The following NAALADL2 variants were observed in gnomAD, a reference collection of about 807,000 sequenced individuals.
NAALADL2 encodes N-acetylated alpha-linked acidic dipeptidase like 2.
In NAALADL2, 76 loss-of-function variants were observed where a neutral mutation model predicts 87.2. The observed-to-expected ratio is 0.87, with a 90% CI of 0.72 to 1.05. The LOEUF is 1.05. Ranked by LOEUF, NAALADL2 falls within the 50% of genes least tolerant of loss-of-function variation. The pLI, the probability that NAALADL2 is intolerant of heterozygous loss-of-function variation, is 0.00. For synonymous variants in NAALADL2, 354 were observed against 331.0 expected, an observed-to-expected ratio of 1.07 and a Z score of -0.75; for missense variants, 1,089 against 945.8, an observed-to-expected ratio of 1.15 and a Z score of -1.99.
intron 2 of NAALADL2, among the ~76,000 whole-genome samples, chr3:175,118,145 A>T (rs1396156503): frequency 1.3e-5 from 2 of 151,838 alleles, no homozygotes; most frequent in African/African-American, 4.8e-5. Context: ...TCATTAGGAG[A>T]TATACCTAAT....
chr3:175,465,543 C>T (rs113132086), intron 7 of NAALADL2, among the ~76,000 whole-genome samples: 12 of 140,654 alleles, frequency 8.5e-5, no homozygotes, highest in African/African-American at 3.0e-4. Flanking sequence ...ACACGATCTT[C>T]GCTCATTGCA....
chr3:175,762,501 A>T (rs569868880), intron 13 of NAALADL2, among the ~76,000 whole-genome samples: 6 of 152,104 alleles, frequency 3.9e-5, no homozygotes, highest in Non-Finnish European at 5.9e-5. Context: ...TCAGTTTTTC[A>T]TCTCTAAAAT....
Position 175,416,829 on chromosome 3 carries a change from C to CTGCAT in NAALADL2, c.1091-30396_1091-30395insTTGCA, listed in dbSNP as rs570665035. On this transcript the variant is annotated intron_variant, in intron 5 of 13. Coordinates refer to ENST00000454872, the MANE Select transcript of NAALADL2 (RefSeq NM_207015.3). ...ATGATTGCAAAAAAAAGTGTGAAAA[C>CTGCAT]TGCAATTCTATGATACGTGAATGTA... Among the ~76,000 whole-genome samples, 81 of 151,948 alleles carry CTGCAT rather than the reference C, an allele frequency of 5.3e-4. 2 individuals are homozygous for CTGCAT. In the South Asian group the frequency reaches 0.016, roughly 31 times the overall value.
Position 174,616,035 on chromosome 3 carries a change from T to G in NAALADL2, c.-115+65398T>G, listed in dbSNP as rs75476898. Among the ~76,000 whole-genome samples, 162 of 152,092 alleles carry G rather than the reference T, an allele frequency of 1.1e-3. 3 individuals are homozygous for G. In the East Asian group the frequency reaches 0.024, roughly 22 times the overall value. ...CACTTAAATCCATTGTTTAGCAACA[T>G]AAATTCCCTGTGAATATAAGGGGAC... is the stretch of plus-strand genomic sequence containing the variant. On this transcript the variant is annotated intron_variant, in intron 2 of 3. Transcript: ENST00000434257.
intron 13 of NAALADL2, among the ~76,000 whole-genome samples, chr3:175,766,723 C>T (rs1236045909): frequency 1.4e-4 from 21 of 152,096 alleles, no homozygotes; most frequent in Non-Finnish European, 2.9e-4. Flanking sequence ...AAGGATCATG[C>T]TGAGTATTTT....
Position 174,635,512 on chromosome 3 carries a change from T to C in NAALADL2, c.-115+84875T>C, listed in dbSNP as rs1488432402. On this transcript the variant is annotated intron_variant, in intron 2 of 3. Coordinates refer to the NAALADL2 transcript ENST00000434257. ...CGTTGTGGTGGTGGTTGTGGTTTTT[T>C]TTTTTTTTGAGATGGAGTCTTGCTC... 5.9e-5 allele frequency among the ~76,000 whole-genome samples: 9 copies of C among 151,742 alleles called. No homozygotes were observed. The South Asian group carries it at 8.3e-4, about 14-fold the overall frequency.
At chr3:174,909,117 G>A (rs891756174) in intron 1 of NAALADL2, among the ~76,000 whole-genome samples, 14 of 152,034 alleles carry the variant, frequency 9.2e-5, no homozygotes, top group Non-Finnish European at 1.9e-4. Flanking sequence ...GGCTAGGCAC[G>A]GTGGCTCACA....
chr3:175,656,101 C>T (rs147504658), intron 11 of NAALADL2, among the ~76,000 whole-genome samples: 153 of 152,218 alleles, frequency 1.0e-3, no homozygotes, highest in Admixed American at 4.1e-3. Context: ...TTCCAAAATG[C>T]CAAACTTAAG....
At chr3:175,688,674 TG>T (rs1736644646) in intron 11 of NAALADL2, among the ~76,000 whole-genome samples, 1 of 151,788 alleles carries the variant, frequency 6.6e-6, no homozygotes, top group African/African-American at 2.4e-5. Context: ...GACGGTGAGA[TG>T]GAGAGGAGGG....
chr3:174,768,948 T>A (rs902759317), intron 3 of NAALADL2, among the ~76,000 whole-genome samples: 34 of 152,124 alleles, frequency 2.2e-4, no homozygotes, highest in Non-Finnish European at 3.1e-4. Flanking sequence ...ATGCCTTTAA[T>A]TTCATTAACT....
At chr3:175,733,494 C>T (rs1366578297) in intron 11 of NAALADL2, among the ~76,000 whole-genome samples, 3 of 152,166 alleles carry the variant, frequency 2.0e-5, no homozygotes, top group Non-Finnish European at 4.4e-5. Context: ...GGGTCCTTCC[C>T]ACAACATGTG....
intron 5 of NAALADL2, among the ~76,000 whole-genome samples, chr3:175,353,935 A>T (rs768497652): frequency 2.0e-5 from 3 of 152,196 alleles, no homozygotes; most frequent in Non-Finnish European, 4.4e-5. Flanking sequence ...CAGCTGGAAG[A>T]TTGACATCAT....
chr3:175,796,564 G>A (rs1291637613), intron 13 of NAALADL2, among the ~76,000 whole-genome samples: 2 of 152,130 alleles, frequency 1.3e-5, no homozygotes, highest in Admixed American at 6.5e-5. Context: ...ACGTAGTATC[G>A]AAGTAAAATA....
chr3:175,790,757 CAATT>C (rs1199567815), intron 13 of NAALADL2, among the ~76,000 whole-genome samples: 3 of 152,152 alleles, frequency 2.0e-5, no homozygotes, highest in Admixed American at 1.3e-4. Context: ...CAAATTTCAT[CAATT>C]AATCTGTGTA....
chr3:175,346,232 A>G (rs1259373935), intron 5 of NAALADL2, among the ~76,000 whole-genome samples: 1 of 152,178 alleles, frequency 6.6e-6, no homozygotes, highest in Non-Finnish European at 1.5e-5. Flanking sequence ...TCTGCCACAC[A>G]GAGATAAACT....
intron 2 of NAALADL2, among the ~76,000 whole-genome samples, chr3:174,598,996 GC>G (rs1718190575): frequency 6.6e-6 from 1 of 152,120 alleles, no homozygotes; most frequent in African/African-American, 2.4e-5. Context: ...TTTTAATGGT[GC>G]CTTTTCTAGT....
intron 6 of NAALADL2, among the ~76,000 whole-genome samples, chr3:175,462,547 C>T (rs1319219182): frequency 6.6e-6 from 1 of 152,140 alleles, no homozygotes; most frequent in Non-Finnish European, 1.5e-5. Context: ...TTTGCATTAC[C>T]TGCTTTCAAA....
chr3:174,787,599 A>ATATATATATATATATATATATG (rs1716909772), intron 3 of NAALADL2, among the ~76,000 whole-genome samples: 1 of 67,882 alleles, frequency 1.5e-5, no homozygotes, highest in African/African-American at 5.2e-5. Flanking sequence ...ATATATATAT[A>ATATATATATATATATATATATG]TATATATATA....
chr3:175,352,862 A>T (rs1317971405), intron 5 of NAALADL2, among the ~76,000 whole-genome samples: 1 of 151,826 alleles, frequency 6.6e-6, no homozygotes, highest in Non-Finnish European at 1.5e-5. Context: ...AGGAAAAGAC[A>T]AGAAGAATCT....
Sources: gnomAD v4.1 joint callset for allele counts (sites outside exome capture counted in the v4.1 genomes callset) on GRCh38, gnomAD v4.1.1 for gene constraint, MANE v1.5 for transcripts, NCBI Gene and HGNC (gene_info 2026-07-23, HGNC 2026-07-21) for gene names.